TACC2: variants seen among roughly 807,000 people sequenced by gnomAD.
TACC2 encodes transforming acidic coiled-coil-containing protein 2.
In TACC2, 137 loss-of-function variants were observed where a neutral mutation model predicts 227.3. The ratio of observed to expected loss-of-function variants is 0.60; its 90% CI spans 0.52 to 0.69. The LOEUF (loss-of-function observed/expected upper bound fraction) is 0.69, where lower values mean the gene tolerates loss of function less well. Ranked by LOEUF, TACC2 falls within the 30% of genes least tolerant of loss-of-function variation. TACC2 has a pLI of 0.00. For missense variants in TACC2, 3,470 were observed against 3,694.4 expected (o/e 0.94, Z 1.57); for synonymous variants, 1,523 against 1,487.5 (o/e 1.02, Z -0.55).
chr10:122,053,437 A>T (rs1156576422), intron 3 of TACC2, among the ~76,000 whole-genome samples: 1 of 152,000 alleles, frequency 6.6e-6, no homozygotes, highest in African/African-American at 2.4e-5. Context: ...GTGGGGACAC[A>T]GCCAAACCAT....
intron 11 of TACC2, among the ~76,000 whole-genome samples, chr10:122,218,471 A>G (rs994791913): frequency 2.0e-5 from 3 of 152,150 alleles, no homozygotes; most frequent in South Asian, 4.2e-4. Context: ...GCCCGGAGGC[A>G]TGGTTTGCTT....
At chr10:122,107,830 T>G in intron 5 of TACC2, among the ~76,000 whole-genome samples, 1 of 135,432 alleles carries the variant, frequency 7.4e-6, no homozygotes, top group South Asian at 2.6e-4. Flanking sequence ...CTCACCCCCC[T>G]CCCACCCTTT....
At position 122,227,932 on chromosome 10, in the gene TACC2, T is replaced by C; in HGVS notation, c.7820T>C (p.Leu2607Ser). 1 of 1,614,200 alleles carries C rather than the reference T, an allele frequency of 6.2e-7. No individual in the cohort carries two copies. The highest frequency in any genetic ancestry group is 8.5e-7 in the Non-Finnish European group (1 of 1,180,014). Reference sequence around the variant, plus strand: ...CTGGCCCCTAACCAAGAGTCACACTTGCAGGTGCCAGAGAAATCCTCCCAG... The same window carrying C: ...CTGGCCCCTAACCAAGAGTCACACTCGCAGGTGCCAGAGAAATCCTCCCAG... ...RGLAPNQESH[L>S]QVPEKSSQKE... is the part of the protein sequence containing the mutation. Residue 2607 changes from leucine (L) to serine (S), a missense_variant, in exon 14 of 23, where the codon TTG becomes TCG. This residue lies in a region of TACC2 where 345 missense variants were observed against 354.4 expected (regional missense o/e 0.97). Transcript: ENST00000369005.
chr10:122,113,400 G>A (rs2084008595), intron 5 of TACC2, among the ~76,000 whole-genome samples: 1 of 152,248 alleles, frequency 6.6e-6, no homozygotes, highest in Non-Finnish European at 1.5e-5. Flanking sequence ...TCGGTCCCCT[G>A]CTGGCAGAGG....
Position 122,083,491 on chromosome 10 carries a change from G to C in TACC2, c.991G>C (p.Glu331Gln), listed in dbSNP as rs1455156905. 2 of 1,613,116 alleles carry C rather than the reference G, an allele frequency of 1.2e-6. No individual in the cohort carries two copies. The highest frequency in any genetic ancestry group is 1.7e-6 in the Non-Finnish European group (2 of 1,180,028). ...AGCAGAAGTGAATGCCGCTTCCCAGGAGAGCTGCCAGCAGCCAGTGGGAGC... is the reference window on the plus strand; with the variant it reads ...AGCAGAAGTGAATGCCGCTTCCCAGCAGAGCTGCCAGCAGCCAGTGGGAGC... ...PEAEVNAASQ[E>Q]SCQQPVGAYL... The change falls in exon 4 of 23, where the codon GAG becomes CAG. Residue 331 changes from glutamate to glutamine, a missense_variant. Coordinates refer to ENST00000369005, the MANE Select transcript of TACC2 (RefSeq NM_206862.4).
At chr10:122,070,024 C>T (rs1198034000) in intron 3 of TACC2, among the ~76,000 whole-genome samples, 1 of 152,170 alleles carries the variant, frequency 6.6e-6, no homozygotes, top group Non-Finnish European at 1.5e-5. Flanking sequence ...GTTGACTCAT[C>T]CACTTTTTTC....
intron 1 of TACC2, among the ~76,000 whole-genome samples, chr10:122,014,334 A>G (rs994483368): frequency 2.0e-5 from 3 of 151,384 alleles, no homozygotes; most frequent in Non-Finnish European, 4.4e-5. Context: ...CTCAGCCTCC[A>G]GAGTAGCTGG....
chr10:122,005,077 G>GTATTT (rs1188542592), intron 1 of TACC2, among the ~76,000 whole-genome samples: 1 of 151,814 alleles, frequency 6.6e-6, no homozygotes, highest in Non-Finnish European at 1.5e-5. Flanking sequence ...GTAAGTTACT[G>GTATTT]TATTTTATTT....
chr10:122,135,538 T>C (rs2089436917), intron 6 of TACC2, among the ~76,000 whole-genome samples: 1 of 152,246 alleles, frequency 6.6e-6, no homozygotes, highest in Non-Finnish European at 1.5e-5. Context: ...ACTGAACATT[T>C]ATCCAGAGTC....
At chr10:122,135,512 G>T (rs2138972882) in intron 6 of TACC2, among the ~76,000 whole-genome samples, 1 of 152,304 alleles carries the variant, frequency 6.6e-6, no homozygotes, top group African/African-American at 2.4e-5. Context: ...AGCAATTTTG[G>T]TGCCTTGTTG....
At chr10:122,138,679 G>A (rs1431272573) in intron 6 of TACC2, among the ~76,000 whole-genome samples, 1 of 152,192 alleles carries the variant, frequency 6.6e-6, no homozygotes, top group Admixed American at 6.5e-5. Context: ...CCAGCGTGCT[G>A]AGTGAATTGG....
In TACC2 at chr10:122,143,779, C is replaced by A. The variant is rs888629725; in HGVS notation, c.5834+73C>A. On this transcript the variant is annotated intron_variant, in intron 7 of 22. Transcript: ENST00000369005. ...GCCTGGTGGTCTCTGCCCCCTAGGTCTTGGGGTGAGCCGCATTTAGGATGG... is the reference window on the plus strand; with the variant it reads ...GCCTGGTGGTCTCTGCCCCCTAGGTATTGGGGTGAGCCGCATTTAGGATGG... The A allele has an allele frequency of 2.6e-6, 4 of 1,523,176 alleles. No homozygotes were observed. In the Middle Eastern group the frequency reaches 5.4e-4, roughly 207 times the overall value. The allele number at this position is 1,523,176 out of a possible 1,614,324, so 94.4% of individuals were successfully genotyped here.
chr10:122,038,196 G>T (rs980371153), intron 2 of TACC2, among the ~76,000 whole-genome samples: 1 of 152,246 alleles, frequency 6.6e-6, no homozygotes, highest in East Asian at 1.9e-4. Context: ...TGGGGGAGAG[G>T]GGGCAGAGGT....
intron 6 of TACC2, among the ~76,000 whole-genome samples, chr10:122,142,751 C>T (rs1284609881): frequency 6.6e-6 from 1 of 152,244 alleles, no homozygotes; most frequent in African/African-American, 2.4e-5. Context: ...TACCCCAAGA[C>T]ACCTTCAGCC....
At chr10:122,013,024 A>G (rs1303104780) in intron 1 of TACC2, among the ~76,000 whole-genome samples, 1 of 152,166 alleles carries the variant, frequency 6.6e-6, no homozygotes, top group Admixed American at 6.5e-5. Context: ...GGGCTTGCAG[A>G]GTCCCCCAAC....
chr10:122,103,610 T>A (rs562506630), intron 5 of TACC2, among the ~76,000 whole-genome samples: 1 of 152,360 alleles, frequency 6.6e-6, no homozygotes, highest in South Asian at 2.1e-4. Context: ...TTGCCACTCT[T>A]CAAAGCTGGC....
At chr10:122,253,629 A>G (rs1026287685) in intron 22 of TACC2, among the ~76,000 whole-genome samples, 2 of 152,214 alleles carry the variant, frequency 1.3e-5, no homozygotes, top group African/African-American at 4.8e-5. Flanking sequence ...TCCTCACCTC[A>G]GATCACATCC....
At chr10:122,169,314 C>A (rs1592859606) in intron 7 of TACC2, among the ~76,000 whole-genome samples, 2 of 152,256 alleles carry the variant, frequency 1.3e-5, no homozygotes, top group East Asian at 3.9e-4. Flanking sequence ...AGGTTTTTTT[C>A]ATTATAGAAA....
intron 5 of TACC2, among the ~76,000 whole-genome samples, chr10:122,112,015 T>C (rs1330234556): frequency 6.6e-6 from 1 of 152,122 alleles, no homozygotes; most frequent in East Asian, 1.9e-4. Flanking sequence ...GCAGTAACAG[T>C]CTATTTCTTT....
Sources: allele counts gnomAD v4.1 joint callset (sites outside exome capture counted in the v4.1 genomes callset), GRCh38; gene constraint gnomAD v4.1.1; regional missense constraint gnomAD v4.1.1; transcripts MANE v1.5; gene names NCBI Gene and HGNC (gene_info 2026-07-23, HGNC 2026-07-21).